The following MSH6 variants were observed in gnomAD, a reference collection of about 807,000 sequenced individuals.
MSH6 encodes the protein DNA mismatch repair protein Msh6.
A neutral mutation model predicts 119.1 loss-of-function variants in MSH6; 85 were observed. The observed-to-expected ratio is 0.71, with a 90% CI of 0.60 to 0.85. The LOEUF is 0.85. Ranked by LOEUF, MSH6 falls within the 40% of genes least tolerant of loss-of-function variation. MSH6 has a pLI of 0.00. For missense variants in MSH6, 2,163 were observed against 1,655.3 expected, an observed-to-expected ratio of 1.31 and a Z score of -5.32; for synonymous variants, 830 against 586.9, an observed-to-expected ratio of 1.41 and a Z score of -5.99.
chr2:47,808,385 C>T, downstream of MSH6: 3 of 1,610,930 alleles, frequency 1.9e-6, no homozygotes, highest in Non-Finnish European at 2.5e-6. Context: ...TAATGCAGTT[C>T]ACACATATGG....
rs587779285 is a variant in MSH6 at position 47,806,281 on chromosome 2, C to T, written c.3724C>T (p.Arg1242Cys). 2 of 1,613,872 alleles carry T rather than the reference C, an allele frequency of 1.2e-6. No homozygotes were observed. The highest frequency in any genetic ancestry group is 1.7e-5 in the Admixed American group (1 of 59,996). ...VKELAETIKC[R>C]TLFSTHYHSL... is the part of the protein sequence containing the mutation. The stretch of plus-strand genomic sequence containing the variant: ...AGAACTTGCTGAGACTATAAAATGT[C>T]GTACATTATTTTCAACTCACTACCA... The change falls in exon 8 of 10, where the codon CGT (arginine) becomes TGT (cysteine). Residue 1242 changes from arginine (R) to cysteine (C), a missense_variant. By Grantham distance (180) the Arg-to-Cys change is radical. Transcript: ENST00000234420.
chr2:47,783,331 G>C lies in MSH6; in HGVS notation c.98G>C (p.Arg33Pro), dbSNP rs878853751. The change falls in exon 1 of 10, where the codon CGT becomes CCT. Residue 33 changes from arginine to proline, a missense_variant. Physicochemically the swap from Arg to Pro is moderately radical, Grantham distance 103. Transcript: ENST00000234420. ...ASARASREGG[R>P]AAAAPGASPS... ...GCCAGGGCCTCACGCGAAGGCGGCC[G>C]TGCCGCCGCTGCCCCCGGGGCCTCT... The C allele has an allele frequency of 1.9e-6, 3 of 1,609,774 alleles. No homozygotes were observed. Among genetic ancestry groups the C allele is most frequent in the Admixed American group, 1.7e-5 (1 of 59,842 alleles).
At chr2:47,809,273 TAAA>T, downstream of MSH6, 2 of 1,497,342 alleles carry the variant, frequency 1.3e-6, no homozygotes, top group South Asian at 1.2e-5. Context: ...TTATCTGTAA[TAAA>T]AGAAAGAATA....
rs775091710 is a variant in MSH6, at chr2:47,806,667, T to C, written c.4001+16T>C. 4.4e-6 allele frequency: 7 copies of C among 1,600,238 alleles called. No individual in the cohort carries two copies. Among genetic ancestry groups the C allele is most frequent in the African/African-American group, 1.3e-5 (1 of 74,326 alleles). ...GATTATTTCGGTAACTAACTAACTATAATGGAATTATAACTAACTGACCTT... is the reference window on the plus strand; with the variant it reads ...GATTATTTCGGTAACTAACTAACTACAATGGAATTATAACTAACTGACCTT... On this transcript the variant is annotated intron_variant, in intron 9 of 9. Coordinates refer to ENST00000234420, the MANE Select transcript of MSH6 (RefSeq NM_000179.3).
chr2:47,783,805 C>A, intron 1 of MSH6: 1 of 562,238 alleles, frequency 1.8e-6, no homozygotes, highest in Non-Finnish European at 2.3e-6. Context: ...AAGGAAGGGG[C>A]GACGCGCGCA....
rs587781657 is a variant in MSH6 at position 47,799,250 on chromosome 2, C to A, written c.1267C>A (p.Leu423Ile). Reference protein sequence around the residue: ...WWQIKSQNFDLVICYKVGKFY... With the variant: ...WWQIKSQNFDIVICYKVGKFY... ...GCAGATTAAGTCTCAGAACTTTGAT[C>A]TTGTCATCTGTTACAAGGTGGGGAA... Residue 423 changes from leucine to isoleucine, a missense_variant, in exon 4 of 10, where the codon CTT (leucine) becomes ATT (isoleucine). Coordinates refer to ENST00000234420, the MANE Select transcript of MSH6 (RefSeq NM_000179.3). 1.2e-6 allele frequency: 2 copies of A among 1,614,008 alleles called. No individual in the cohort carries two copies. Among genetic ancestry groups the A allele is most frequent in the East Asian group, 2.2e-5 (1 of 44,898 alleles).
At chr2:47,798,073 C>T (rs1669206097) in intron 3 of MSH6, 1 of 210,752 alleles carries the variant, frequency 4.7e-6, no homozygotes, top group South Asian at 8.9e-5. Flanking sequence ...GTGTCTGCTA[C>T]ACTTACAGCA....
Position 47,795,893 on chromosome 2 carries a change from G to A in MSH6, c.458-1G>A, listed in dbSNP as rs267608035. 1 of 1,613,672 alleles carries A rather than the reference G, an allele frequency of 6.2e-7. No individual in the cohort carries two copies. Among genetic ancestry groups the A allele is most frequent in the Non-Finnish European group, 8.5e-7 (1 of 1,179,720 alleles). On this transcript the variant is annotated splice_acceptor_variant, in intron 2 of 9. Coordinates refer to ENST00000234420, the MANE Select transcript of MSH6 (RefSeq NM_000179.3). LOFTEE classifies it high-confidence loss of function. ...TTGTTTATAAATACATTTCTTTCTA[G>A]GTTCAAAATCAAAGGAAGCCCAGAA...
At position 47,799,640 on chromosome 2, in the gene MSH6, A is replaced by G. The variant is rs1294509946; in HGVS notation, c.1657A>G (p.Thr553Ala). ...KEKEEDSSGH[T>A]RAYGVCFVDT... ...AAAAGAGGAAGATTCTTCTGGCCAT[A>G]CTCGTGCATATGGTGTGTGCTTTGT... Residue 553 changes from threonine to alanine, a missense_variant, in exon 4 of 10, where the codon ACT becomes GCT. Coordinates refer to ENST00000234420, the MANE Select transcript of MSH6 (RefSeq NM_000179.3). 1.2e-6 allele frequency: 2 copies of G among 1,613,972 alleles called. No individual in the cohort carries two copies. Among genetic ancestry groups the G allele is most frequent in the Non-Finnish European group, 1.7e-6 (2 of 1,180,000 alleles).
chr2:47,800,324 C>G lies in MSH6; in HGVS notation c.2341C>G (p.Pro781Ala), dbSNP rs587779235. Residue 781 changes from proline to alanine, a missense_variant, in exon 4 of 10, where the codon CCA (proline) becomes GCA (alanine). Transcript: ENST00000234420. Reference protein sequence around the residue: ...KRLLKQWLCAPLCNHYAINDR... With the variant: ...KRLLKQWLCAALCNHYAINDR... ...GCTCCTAAAGCAATGGCTTTGTGCC[C>G]CACTCTGTAACCATTATGCTATTAA... is the stretch of plus-strand genomic sequence containing the variant. The G allele has an allele frequency of 6.2e-7, 1 of 1,613,898 alleles. No individual in the cohort carries two copies. The highest frequency in any genetic ancestry group is 8.5e-7 in the Non-Finnish European group (1 of 1,179,994).
chr2:47,788,243 TTTC>T (rs1334002497), intron 1 of MSH6, among the ~76,000 whole-genome samples: 1 of 133,928 alleles, frequency 7.5e-6, no homozygotes, highest in African/African-American at 2.8e-5. Context: ...TCATTCTTTC[TTTC>T]TTTTTTTTTT....
chr2:47,806,190 T>C lies in MSH6; in HGVS notation c.3647-14T>C. 3 of 1,613,244 alleles carry C rather than the reference T, an allele frequency of 1.9e-6. No homozygotes were observed. The highest frequency in any genetic ancestry group is 2.5e-6 in the Non-Finnish European group (3 of 1,179,258). ...CCTTTGAGTTACTTCCTTATGCATA[T>C]TTTACTTTAACAGGAAGAGGTACTG... On this transcript the variant is annotated splice_polypyrimidine_tract_variant and intron_variant, in intron 7 of 9. Transcript: ENST00000234420.
chr2:47,783,272 G>C lies in MSH6; in HGVS notation c.39G>C (p.Lys13Asn), dbSNP rs1668112040. 6.2e-7 allele frequency: 1 copy of C among 1,612,090 alleles called. No homozygotes were observed. The highest frequency in any genetic ancestry group is 1.1e-5 in the South Asian group (1 of 91,002). Reference protein sequence around the residue: ...RQSTLYSFFPKSPALSDANKA... With the variant: ...RQSTLYSFFPNSPALSDANKA... The stretch of plus-strand genomic sequence containing the variant: ...GCACCCTGTACAGCTTCTTCCCCAA[G>C]TCTCCGGCGCTGAGTGATGCCAACA... The change falls in exon 1 of 10, where the codon AAG (lysine) becomes AAC (asparagine). Residue 13 changes from lysine (K) to asparagine (N), a missense_variant. Transcript: ENST00000234420.
chr2:47,785,689 G>T (rs916659629), intron 1 of MSH6, among the ~76,000 whole-genome samples: 2 of 152,148 alleles, frequency 1.3e-5, no homozygotes, highest in East Asian at 3.9e-4. Context: ...TATGCTTGTG[G>T]GGAACAGAGC....
chr2:47,787,986 A>G (rs1374984683), intron 1 of MSH6, among the ~76,000 whole-genome samples: 1 of 152,190 alleles, frequency 6.6e-6, no homozygotes, highest in African/African-American at 2.4e-5. Context: ...AGGTTTACAC[A>G]CAAAAAAAAT....
chr2:47,785,699 C>T (rs557617778), intron 1 of MSH6, among the ~76,000 whole-genome samples: 1 of 152,266 alleles, frequency 6.6e-6, no homozygotes, highest in East Asian at 1.9e-4. Flanking sequence ...GGGAACAGAG[C>T]CAGCATCCGC....
chr2:47,805,106 C>A, intron 6 of MSH6, 79 bp downstream of exon 6: 2 of 938,888 alleles, frequency 2.1e-6, no homozygotes, highest in South Asian at 1.3e-5. Flanking sequence ...TGTATATGAG[C>A]CTTTTAAATC....
chr2:47,783,581 G>A (rs1012323306), intron 1 of MSH6, 88 bp downstream of exon 1: 2 of 1,302,150 alleles, frequency 1.5e-6, no homozygotes, highest in South Asian at 1.7e-5. Flanking sequence ...AGGGGGTTGG[G>A]GGGGTGCACG....
At chr2:47,805,169 CAT>C (rs1669899962) in intron 6 of MSH6, 142 bp downstream of exon 6, 1 of 663,248 alleles carries the variant, frequency 1.5e-6, no homozygotes, top group Admixed American at 2.6e-5. Flanking sequence ...TTAAGAACTG[CAT>C]AGTCTCTCTC....
Sources: gnomAD v4.1 joint callset for allele counts (sites outside exome capture counted in the v4.1 genomes callset) on GRCh38, gnomAD v4.1.1 for gene constraint, MANE v1.5 for transcripts, NCBI Gene and HGNC (gene_info 2026-07-23, HGNC 2026-07-21) for gene names.